Variants in MCF2L2 observed in about 807,000 individuals in gnomAD.
MCF2L2 encodes the protein probable guanine nucleotide exchange factor MCF2L2.
In MCF2L2, 102 loss-of-function variants were observed where a neutral mutation model predicts 150.2. The observed-to-expected ratio is 0.68, with a 90% CI of 0.58 to 0.80. The LOEUF is 0.80. Among genes scored for constraint, MCF2L2 ranks in the 30% least tolerant of loss-of-function variants. MCF2L2 has a pLI of 0.00. For missense variants in MCF2L2, 1,256 were observed against 1,372.8 expected, an observed-to-expected ratio of 0.91 and a Z score of 1.34; for synonymous variants, 465 against 491.3, an observed-to-expected ratio of 0.95 and a Z score of 0.71.
chr3:183,285,967 C>A (rs1727768267), intron 14 of MCF2L2, among the ~76,000 whole-genome samples: 1 of 152,172 alleles, frequency 6.6e-6, no homozygotes, highest in Admixed American at 6.5e-5. Flanking sequence ...AGGAAATAGT[C>A]ACATCACTAT....
chr3:183,331,238 C>A (rs1190363360), intron 5 of MCF2L2, among the ~76,000 whole-genome samples: 1 of 152,214 alleles, frequency 6.6e-6, no homozygotes, highest in Non-Finnish European at 1.5e-5. Context: ...GCTTTGCCTG[C>A]AGAACTCCAG....
chr3:183,389,564 G>A, intron 2 of MCF2L2, 132 bp downstream of exon 2: 1 of 727,286 alleles, frequency 1.4e-6, no homozygotes, highest in Non-Finnish European at 2.4e-6. Context: ...GCCTCAGCCT[G>A]TTCTAGTCCC....
intron 1 of MCF2L2, among the ~76,000 whole-genome samples, chr3:183,393,385 G>T (rs193043168): frequency 1.2e-3 from 182 of 152,046 alleles, no homozygotes; most frequent in African/African-American, 4.2e-3. Flanking sequence ...TAGGGACAGG[G>T]TTTCTCCATG....
At chr3:183,303,268 G>C (rs1728945377) in intron 10 of MCF2L2, among the ~76,000 whole-genome samples, 1 of 151,660 alleles carries the variant, frequency 6.6e-6, no homozygotes, top group Non-Finnish European at 1.5e-5. Flanking sequence ...CATTTAGTAG[G>C]CATGCAATAA....
intron 15 of MCF2L2, among the ~76,000 whole-genome samples, chr3:183,241,892 A>C (rs1407470626): frequency 1.3e-5 from 2 of 152,230 alleles, no homozygotes; most frequent in Non-Finnish European, 2.9e-5. Context: ...TGATATGGGC[A>C]ATAAAGTCCA....
Position 183,341,606 on chromosome 3 carries a change from G to A in MCF2L2, c.300C>T (p.Phe100=). Residue 100 remains phenylalanine (F), a synonymous_variant, in exon 4 of 30, where the codon TTC becomes TTT. Transcript: ENST00000328913. Reference sequence around the variant, plus strand: ...CTCTTCGTCTGTCGATAACAACAATGAATCCAATGCTGGCAGCCTCCACAC... The same window carrying A: ...CTCTTCGTCTGTCGATAACAACAATAAATCCAATGCTGGCAGCCTCCACAC... ...IPSVEAASIG[F]IVVIDRRRDK... The A allele has an allele frequency of 1.2e-6, 2 of 1,614,070 alleles. No homozygotes were observed. Among genetic ancestry groups the A allele is most frequent in the South Asian group, 2.2e-5 (2 of 91,080 alleles).
At chr3:183,314,628 T>C (rs1729521459) in intron 7 of MCF2L2, among the ~76,000 whole-genome samples, 1 of 151,872 alleles carries the variant, frequency 6.6e-6, no homozygotes, top group Non-Finnish European at 1.5e-5. Flanking sequence ...GCTAGTTGTT[T>C]AGGAAAAAAC....
At chr3:183,186,427 A>T (rs930396469) in intron 27 of MCF2L2, among the ~76,000 whole-genome samples, 4 of 152,098 alleles carry the variant, frequency 2.6e-5, no homozygotes, top group African/African-American at 9.7e-5. Context: ...CTAATTTTTA[A>T]AAAAAATTTT....
chr3:183,281,893 CTTT>C (rs397876715), intron 14 of MCF2L2, among the ~76,000 whole-genome samples: 16 of 121,458 alleles, frequency 1.3e-4, no homozygotes, highest in East Asian at 7.8e-4. Context: ...TTCACAGGGT[CTTT>C]TTTTTTTTTT....
At position 183,300,020 on chromosome 3, in the gene MCF2L2, A is replaced by G; in HGVS notation, c.1290T>C (p.His430=). ...TTTTGCTCACCTTGTCCAGCTGTCT[A>G]TGAAACTCTAAGGACTTTCCTAAAA... ...WDILGKSLEF[H]RQLDKVSQWC... The change falls in exon 11 of 30, where the codon CAT becomes CAC. Residue 430 remains histidine (H), a synonymous_variant. Transcript: ENST00000328913. The G allele has an allele frequency of 1.2e-6, 2 of 1,613,256 alleles. No individual in the cohort carries two copies. Among genetic ancestry groups the G allele is most frequent in the Non-Finnish European group, 1.7e-6 (2 of 1,179,778 alleles).
intron 1 of MCF2L2, among the ~76,000 whole-genome samples, chr3:183,412,647 G>A (rs911257149): frequency 1.3e-5 from 2 of 152,128 alleles, no homozygotes; most frequent in Non-Finnish European, 2.9e-5. Context: ...CTATATACAA[G>A]ATCATGTCAT....
intron 5 of MCF2L2, among the ~76,000 whole-genome samples, chr3:183,337,135 A>G (rs1730514792): frequency 6.6e-6 from 1 of 152,174 alleles, no homozygotes; most frequent in African/African-American, 2.4e-5. Context: ...TGGTATTTAC[A>G]TTATATAAAT....
intron 5 of MCF2L2, among the ~76,000 whole-genome samples, chr3:183,335,189 A>G (rs913913613): frequency 6.6e-6 from 1 of 152,014 alleles, no homozygotes; most frequent in African/African-American, 2.4e-5. Flanking sequence ...AAAACTAATG[A>G]GATATGATAA....
chr3:183,339,500 C>G (rs533786565), intron 4 of MCF2L2, among the ~76,000 whole-genome samples: 12 of 152,066 alleles, frequency 7.9e-5, no homozygotes, highest in Non-Finnish European at 1.5e-4. Context: ...AATACTGAGA[C>G]GAACACCTTT....
intron 22 of MCF2L2, among the ~76,000 whole-genome samples, chr3:183,214,106 C>A (rs920691951): frequency 5.3e-5 from 8 of 152,170 alleles, no homozygotes; most frequent in African/African-American, 1.9e-4. Flanking sequence ...GCCTCCTCCT[C>A]CTATGTTATT....
chr3:183,292,008 T>C (rs1334231045), intron 13 of MCF2L2, among the ~76,000 whole-genome samples: 2 of 152,138 alleles, frequency 1.3e-5, no homozygotes, highest in Non-Finnish European at 2.9e-5. Flanking sequence ...TTTCCAATCA[T>C]CTAAGAAGGA....
At chr3:183,371,168 C>G (rs1447520058) in intron 3 of MCF2L2, among the ~76,000 whole-genome samples, 1 of 152,198 alleles carries the variant, frequency 6.6e-6, no homozygotes, top group East Asian at 1.9e-4. Context: ...TTTCCATTGC[C>G]TTCTGTGAAC....
intron 5 of MCF2L2, 77 bp from the exon 6 acceptor site, chr3:183,323,428 A>C: frequency 1.6e-6 from 1 of 609,542 alleles, no homozygotes; most frequent in Non-Finnish European, 2.8e-6. Context: ...TATTCTTATC[A>C]TAATTATATT....
At chr3:183,272,014 A>T (rs1243892112) in intron 15 of MCF2L2, 3 of 429,160 alleles carry the variant, frequency 7.0e-6, no homozygotes, top group African/African-American at 6.5e-5. Flanking sequence ...TAAACATCAA[A>T]GTTATAATAT....
Sources: gnomAD v4.1 joint callset for allele counts (sites outside exome capture counted in the v4.1 genomes callset) on GRCh38, gnomAD v4.1.1 for gene constraint, MANE v1.5 for transcripts, NCBI Gene and HGNC (gene_info 2026-07-23, HGNC 2026-07-21) for gene names.